DLG2: variants seen among roughly 807,000 people sequenced by gnomAD.
The protein encoded by DLG2 is disks large homolog 2.
Under a neutral mutation model 132.5 loss-of-function variants are expected in DLG2, and 45 were observed. That is an observed-to-expected ratio of 0.34 (90% confidence interval 0.27 to 0.44). The LOEUF is 0.44. DLG2 is among the 20% of genes least tolerant of loss of function. DLG2 has a pLI of 1.00. For synonymous variants in DLG2, 424 were observed against 419.6 expected, an observed-to-expected ratio of 1.01 and a Z score of -0.13; for missense variants, 1,045 against 1,196.9, an observed-to-expected ratio of 0.87 and a Z score of 1.87.
intron 4 of DLG2, among the ~76,000 whole-genome samples, chr11:85,209,445 CTTTTTTTTTTT>C (rs1164394816): frequency 2.7e-5 from 2 of 74,450 alleles, no homozygotes; most frequent in Admixed American, 3.9e-4. Flanking sequence ...AGAAATCAGT[CTTTTTTTTTTT>C]TTTTTTTTTT....
intron 6 of DLG2, among the ~76,000 whole-genome samples, chr11:85,106,415 C>G (rs1473905457): frequency 1.3e-5 from 2 of 151,962 alleles, no homozygotes; most frequent in African/African-American, 4.8e-5. Flanking sequence ...CAAGATTCTG[C>G]TTTCAAAGTC....
chr11:84,113,302 G>T (rs2093460512), intron 9 of DLG2, among the ~76,000 whole-genome samples: 1 of 152,048 alleles, frequency 6.6e-6, no homozygotes, highest in Admixed American at 6.6e-5. Flanking sequence ...TAGTGCACAT[G>T]GTTTTCTATA....
chr11:84,167,811 C>A (rs2095705993), intron 8 of DLG2, among the ~76,000 whole-genome samples: 1 of 152,166 alleles, frequency 6.6e-6, no homozygotes, highest in South Asian at 2.1e-4. Context: ...AGATTACAGG[C>A]ATGCACCACC....
chr11:84,479,596 C>G (rs1479419494), intron 7 of DLG2, among the ~76,000 whole-genome samples: 1 of 152,018 alleles, frequency 6.6e-6, no homozygotes, highest in Non-Finnish European at 1.5e-5. Context: ...GAAATATAAT[C>G]CCTTACAAAT....
intron 8 of DLG2, among the ~76,000 whole-genome samples, chr11:84,220,496 A>T (rs2096897880): frequency 6.6e-6 from 1 of 152,240 alleles, no homozygotes; most frequent in Non-Finnish European, 1.5e-5. Flanking sequence ...TGGTGCTAGC[A>T]AACTCAATTA....
chr11:83,564,102 G>GT (rs5793072), intron 19 of DLG2, among the ~76,000 whole-genome samples: 59,303 of 146,224 alleles, frequency 0.41, 11,970 homozygotes, highest in Admixed American at 0.5. Context: ...TTTTTCATGT[G>GT]TTTTTTTTTT....
At chr11:83,592,732 G>A (rs1225915) in intron 19 of DLG2, among the ~76,000 whole-genome samples, 58,500 of 140,348 alleles carry the variant, frequency 0.42, 12,351 homozygotes, top group Admixed American at 0.53. Context: ...GAAAATTTTC[G>A]CAACCTACTC....
chr11:84,714,594 TTTC>T (rs1565749411), intron 6 of DLG2, among the ~76,000 whole-genome samples: 21 of 113,804 alleles, frequency 1.8e-4, no homozygotes, highest in South Asian at 3.2e-4. Context: ...TCTCTTTCTC[TTTC>T]TTTCTCTTTC....
At chr11:84,305,859 GAC>G (rs1567233631) in intron 7 of DLG2, among the ~76,000 whole-genome samples, 1 of 152,056 alleles carries the variant, frequency 6.6e-6, no homozygotes, top group Non-Finnish European at 1.5e-5. Flanking sequence ...TTTATTATCT[GAC>G]TTGATGATGT....
rs117708290 is a variant in DLG2, at chr11:85,014,836, T to G, written c.357+96825A>C. ...CTTATGCCTCTGGAGAAAATCAAAT[T>G]ACTTTAGGAATTGGTAATTGCACCA... On this transcript the variant is annotated intron_variant, in intron 6 of 27. Coordinates refer to ENST00000376104, the MANE Select transcript of DLG2 (RefSeq NM_001142699.3). Among the ~76,000 whole-genome samples the G allele has an allele frequency of 8.5e-5, 13 of 152,258 alleles. No individual in the cohort carries two copies. The East Asian group carries it at 2.3e-3, about 27-fold the overall frequency.
At chr11:85,368,172 G>A (rs77213266) in intron 3 of DLG2, among the ~76,000 whole-genome samples, 1 of 152,148 alleles carries the variant, frequency 6.6e-6, no homozygotes, top group Non-Finnish European at 1.5e-5. Context: ...CCAAGGTTAT[G>A]AGTCTATTCA....
intron 6 of DLG2, among the ~76,000 whole-genome samples, chr11:84,979,860 T>A (rs1024207330): frequency 3.9e-5 from 6 of 152,030 alleles, no homozygotes; most frequent in Admixed American, 6.6e-5. Context: ...GGCTTTGTTA[T>A]TGGGTGCACA....
chr11:84,328,509 GC>G (rs1348267661), intron 7 of DLG2, among the ~76,000 whole-genome samples: 3 of 152,258 alleles, frequency 2.0e-5, no homozygotes, highest in Non-Finnish European at 4.4e-5. Flanking sequence ...AGAGTGCCTG[GC>G]TTTTGGAGCT....
At chr11:83,889,091 C>A (rs924049912) in intron 15 of DLG2, among the ~76,000 whole-genome samples, 1 of 152,014 alleles carries the variant, frequency 6.6e-6, no homozygotes, top group Non-Finnish European at 1.5e-5. Context: ...GCAACAACAG[C>A]CAAAATTGAC....
At chr11:84,242,258 A>T (rs1245568499) in intron 8 of DLG2, among the ~76,000 whole-genome samples, 1 of 152,220 alleles carries the variant, frequency 6.6e-6, no homozygotes, top group Non-Finnish European at 1.5e-5. Flanking sequence ...TGAGTACAGT[A>T]GTCAACAAAC....
intron 3 of DLG2, among the ~76,000 whole-genome samples, chr11:85,296,681 A>G (rs2079241658): frequency 6.6e-6 from 1 of 151,164 alleles, no homozygotes; most frequent in East Asian, 1.9e-4. Flanking sequence ...CACTGCACCA[A>G]AAGGATGAAT....
At chr11:84,184,397 T>C (rs185443133) in intron 8 of DLG2, among the ~76,000 whole-genome samples, 1 of 152,128 alleles carries the variant, frequency 6.6e-6, no homozygotes, top group Admixed American at 6.5e-5. Flanking sequence ...TCTGTTCATA[T>C]CCTTCGCCCA....
intron 6 of DLG2, among the ~76,000 whole-genome samples, chr11:84,605,002 C>T (rs536698783): frequency 5.8e-4 from 88 of 151,882 alleles, no homozygotes; most frequent in African/African-American, 2.0e-3. Flanking sequence ...TTTGTTTTCA[C>T]ATAAATGAGA....
At chr11:83,517,883 T>C (rs2095349632) in intron 21 of DLG2, among the ~76,000 whole-genome samples, 1 of 152,094 alleles carries the variant, frequency 6.6e-6, no homozygotes, top group African/African-American at 2.4e-5. Context: ...CCTCTGGCAG[T>C]GTTGTCTCAG....
Sources: allele counts gnomAD v4.1 joint callset (sites outside exome capture counted in the v4.1 genomes callset), GRCh38; gene constraint gnomAD v4.1.1; transcripts MANE v1.5; gene names NCBI Gene and HGNC (gene_info 2026-07-23, HGNC 2026-07-21).